The following DENND5A variants were observed in gnomAD, a reference collection of about 807,000 sequenced individuals.
DENND5A encodes the protein DENN domain-containing protein 5A.
DENND5A carries 64 observed loss-of-function variants against 140.3 expected under a neutral mutation model. The ratio of observed to expected loss-of-function variants is 0.46; its 90% confidence interval spans 0.37 to 0.56. The LOEUF (loss-of-function observed/expected upper bound fraction) is 0.56, where lower values mean the gene tolerates loss of function less well. DENND5A is among the 20% of genes least tolerant of loss of function. The pLI is 0.00. For synonymous variants in DENND5A, 605 were observed against 607.7 expected, an observed-to-expected ratio of 1.00 and a Z score of 0.07; for missense variants, 1,292 against 1,593.8, an observed-to-expected ratio of 0.81 and a Z score of 3.22.
In DENND5A at chr11:9,252,065, C is replaced by T. The variant is rs535791728; in HGVS notation, c.109+12896G>A. ...CTGTAATCTCAGCACTTTGGGAGGC[C>T]GAGGCGGGCGGATCACGAGGTCCAG... On this transcript the variant is annotated intron_variant, in intron 1 of 22. Transcript: ENST00000328194. Among the ~76,000 whole-genome samples the T allele has an allele frequency of 6.3e-5, 9 of 143,098 alleles. No individual in the cohort carries two copies. In the South Asian group the frequency reaches 1.4e-3, roughly 21 times the overall value. The allele number at this position is 143,098 out of a possible 152,430, so 93.9% of individuals were successfully genotyped here. A position where few individuals can be genotyped will look rare whatever the true frequency, so the allele number is the denominator to read the frequency against.
Position 9,151,361 on chromosome 11 carries a change from GC to G in DENND5A, c.2522-598del, listed in dbSNP as rs547077219. Among the ~76,000 whole-genome samples the G allele has an allele frequency of 3.3e-5, 5 of 152,176 alleles. No homozygotes were observed. In the South Asian group the frequency reaches 1.0e-3, roughly 32 times the overall value. ...ATCATCAAGCTGTTGAGAATTTTTG[GC>G]TACAGTTTATTCCTCAGCAATGACT... On this transcript the variant is annotated intron_variant, in intron 13 of 22. Transcript: ENST00000328194.
At chr11:9,250,167 T>C (rs544464635) in intron 1 of DENND5A, among the ~76,000 whole-genome samples, 5 of 151,934 alleles carry the variant, frequency 3.3e-5, no homozygotes, top group South Asian at 2.1e-4. Context: ...ATGCATATTA[T>C]AGGCTACACT....
chr11:9,170,840 C>T, intron 8 of DENND5A, 63 bp from the exon 9 acceptor site: 1 of 1,582,838 alleles, frequency 6.3e-7, no homozygotes, highest in Non-Finnish European at 8.6e-7. Context: ...ACAAATAAAT[C>T]AAGTCAAACA....
chr11:9,264,739 G>A (rs1852365631), intron 1 of DENND5A, among the ~76,000 whole-genome samples: 1 of 152,086 alleles, frequency 6.6e-6, no homozygotes, highest in Admixed American at 6.5e-5. Flanking sequence ...CCGAAGACGT[G>A]GCCACTGCGC....
chr11:9,172,154 G>C (rs532053096), intron 8 of DENND5A: 51 of 152,254 alleles, frequency 3.3e-4, no homozygotes, highest in African/African-American at 1.1e-3. Flanking sequence ...CTAAGGTAGG[G>C]ATGGGGAGAA....
intron 1 of DENND5A, among the ~76,000 whole-genome samples, chr11:9,258,740 G>T (rs1852062362): frequency 6.9e-6 from 1 of 145,566 alleles, no homozygotes; most frequent in Admixed American, 6.7e-5. Context: ...ATGAAATGTG[G>T]CAAGGGAGAC....
chr11:9,224,576 T>C (rs1333935127), intron 1 of DENND5A, among the ~76,000 whole-genome samples: 1 of 152,056 alleles, frequency 6.6e-6, no homozygotes, highest in African/African-American at 2.4e-5. Flanking sequence ...TGAAAATCCA[T>C]GGTGCCCAGT....
At chr11:9,204,642 C>A (rs193036322) in intron 3 of DENND5A, among the ~76,000 whole-genome samples, 67 of 152,230 alleles carry the variant, frequency 4.4e-4, no homozygotes, top group African/African-American at 1.5e-3. Context: ...GCAGGTGGAT[C>A]GCTTGAGGCC....
chr11:9,229,825 A>G (rs1292538725), intron 1 of DENND5A, among the ~76,000 whole-genome samples: 1 of 150,370 alleles, frequency 6.7e-6, no homozygotes, highest in Non-Finnish European at 1.5e-5. Flanking sequence ...CCCTTTCTTC[A>G]TTCTTCATTG....
intron 12 of DENND5A, among the ~76,000 whole-genome samples, chr11:9,157,333 T>C (rs561806569): frequency 6.6e-6 from 1 of 152,348 alleles, no homozygotes; most frequent in East Asian, 1.9e-4. Flanking sequence ...ATTTAATTCT[T>C]TTAACTTTTA....
At position 9,152,015 on chromosome 11, in the gene DENND5A, C is replaced by T. The variant is rs898575192; in HGVS notation, c.2521+343G>A. Among the ~76,000 whole-genome samples, 3 of 152,162 alleles carry T rather than the reference C, an allele frequency of 2.0e-5. No homozygotes were observed. The South Asian group carries it at 6.2e-4, about 31-fold the overall frequency. ...ACTAACGGGATAGATAATCATAATG[C>T]CCATGTCAGAGAAATAAAACAAAAG... On this transcript the variant is annotated intron_variant, in intron 13 of 22. Coordinates refer to ENST00000328194, the MANE Select transcript of DENND5A (RefSeq NM_015213.4).
intron 1 of DENND5A, among the ~76,000 whole-genome samples, chr11:9,237,831 C>T (rs1851067088): frequency 6.6e-6 from 1 of 151,948 alleles, no homozygotes; most frequent in East Asian, 1.9e-4. Flanking sequence ...TGCAGTGAGC[C>T]GAGATTACAC....
intron 5 of DENND5A, among the ~76,000 whole-genome samples, chr11:9,189,681 C>A (rs1345952205): frequency 1.3e-5 from 2 of 151,458 alleles, no homozygotes; most frequent in Non-Finnish European, 2.9e-5. Flanking sequence ...ACTATTGTTG[C>A]CCAGGCTAGA....
At position 9,149,541 on chromosome 11, in the gene DENND5A, G is replaced by A. The variant is rs536879847; in HGVS notation, c.2735+540C>T. Among the ~76,000 whole-genome samples, 8 of 152,296 alleles carry A rather than the reference G, an allele frequency of 5.3e-5. No individual in the cohort carries two copies. In the South Asian group the frequency reaches 1.7e-3, roughly 32 times the overall value. On this transcript the variant is annotated intron_variant, in intron 15 of 22. Coordinates refer to ENST00000328194, the MANE Select transcript of DENND5A (RefSeq NM_015213.4). The stretch of plus-strand genomic sequence containing the variant: ...GAGGGATGAACCACGTTTCTGGGGA[G>A]TCCAGGAAAACTCTGGGAAAGAAAA...
intron 1 of DENND5A, among the ~76,000 whole-genome samples, chr11:9,253,553 C>G (rs1483321574): frequency 6.6e-6 from 1 of 151,698 alleles, no homozygotes; most frequent in Admixed American, 6.6e-5. Context: ...ACTGTTCAAG[C>G]TGTTTAAGGC....
intron 18 of DENND5A, 80 bp downstream of exon 18, chr11:9,144,915 G>C (rs1847373964): frequency 9.9e-7 from 1 of 1,013,598 alleles, no homozygotes; most frequent in Non-Finnish European, 1.6e-6. Flanking sequence ...GTCTCCTTGG[G>C]AACTCCACAT....
intron 16 of DENND5A, among the ~76,000 whole-genome samples, chr11:9,146,321 T>C (rs1847430095): frequency 6.6e-6 from 1 of 152,218 alleles, no homozygotes; most frequent in African/African-American, 2.4e-5. Flanking sequence ...AAAGGGAAGA[T>C]GCAGCATCAG....
At chr11:9,259,806 G>C (rs1321935991) in intron 1 of DENND5A, among the ~76,000 whole-genome samples, 1 of 151,960 alleles carries the variant, frequency 6.6e-6, no homozygotes, top group Non-Finnish European at 1.5e-5. Context: ...ATGCGGGTGG[G>C]TCACCTGAGG....
chr11:9,145,208 T>G (rs1223322211), intron 17 of DENND5A, 95 bp from the exon 18 acceptor site: 3 of 884,306 alleles, frequency 3.4e-6, no homozygotes, highest in Admixed American at 1.8e-5. Context: ...GCCTGCAACC[T>G]GACCCCTCAG....
Sources: allele counts gnomAD v4.1 joint callset (sites outside exome capture counted in the v4.1 genomes callset), GRCh38; gene constraint gnomAD v4.1.1; transcripts MANE v1.5; gene names NCBI Gene and HGNC (gene_info 2026-07-23, HGNC 2026-07-21).